SND1: variants seen among roughly 807,000 people sequenced by gnomAD.
The protein encoded by SND1 is staphylococcal nuclease and tudor domain containing 1.
Under a neutral mutation model 121.7 loss-of-function variants are expected in SND1, and 38 were observed. The ratio of observed to expected loss-of-function variants is 0.31; its 90% confidence interval spans 0.24 to 0.41. The LOEUF is 0.41. SND1 is among the 10% of genes least tolerant of loss of function. The probability of loss-of-function intolerance (pLI) is 1.00; values close to 1 mark genes in which losing one functional copy is unlikely to be tolerated. For missense variants in SND1, 868 were observed against 1,184.6 expected (o/e 0.73, Z 3.92); for synonymous variants, 401 against 447.4 (o/e 0.90, Z 1.31).
In SND1 at chr7:128,029,218, G is replaced by A; in HGVS notation, c.1779+38162G>A. The A allele has an allele frequency of 6.2e-7, 1 of 1,614,114 alleles. No homozygotes were observed. ...TAACCAGTGGACGTGGTAGGAACAG[G>A]CTTGTACTTTCGCGTTGTGTCCTCA... On this transcript the variant is annotated intron_variant, in intron 16 of 23. Coordinates refer to ENST00000354725, the MANE Select transcript of SND1 (RefSeq NM_014390.4). This position sits in a 1 kb window ranked among gnomAD's most constrained non-coding sequence, Gnocchi z 4.2.
chr7:127,718,505 C>A, intron 9 of SND1: 1 of 927,442 alleles, frequency 1.1e-6, no homozygotes, highest in Non-Finnish European at 1.3e-6. Flanking sequence ...CACGCATGCA[C>A]TCACCCTTCC....
rs117846851 is a variant in SND1 at position 128,032,978 on chromosome 7, C to G, written c.1780-41524C>G. On this transcript the variant is annotated intron_variant, in intron 16 of 23. Coordinates refer to ENST00000354725, the MANE Select transcript of SND1 (RefSeq NM_014390.4). Reference sequence around the variant, plus strand: ...TGAGGTGAACTCCCGGAGCCCACGACACAGCCCGTTCATTCATGGAGCTGC... The same window carrying G: ...TGAGGTGAACTCCCGGAGCCCACGAGACAGCCCGTTCATTCATGGAGCTGC... Among the ~76,000 whole-genome samples, 592 of 152,316 alleles carry G rather than the reference C, an allele frequency of 3.9e-3. 7 individuals carry two copies. Among genetic ancestry groups the G allele is most frequent in the East Asian group, 0.038 (196 of 5,162 alleles).
At chr7:127,775,554 T>C (rs1309408515) in intron 10 of SND1, among the ~76,000 whole-genome samples, 1 of 152,156 alleles carries the variant, frequency 6.6e-6, no homozygotes, top group Non-Finnish European at 1.5e-5. Flanking sequence ...TTTCCAAACA[T>C]TGTTGTACAA....
intron 16 of SND1, among the ~76,000 whole-genome samples, chr7:128,003,504 C>A (rs1218321232): frequency 6.6e-6 from 1 of 152,126 alleles, no homozygotes; most frequent in Non-Finnish European, 1.5e-5. Context: ...GGTGGAAGAT[C>A]ATGCAAATAA....
intron 17 of SND1, 47 bp from the exon 18 acceptor site, chr7:128,081,313 A>G: frequency 6.2e-7 from 1 of 1,610,184 alleles, no homozygotes; most frequent in South Asian, 1.1e-5. Flanking sequence ...GTCTTTTATG[A>G]CTTCACTTCC....
At chr7:127,720,322 T>G (rs938632737) in intron 9 of SND1, among the ~76,000 whole-genome samples, 3 of 151,982 alleles carry the variant, frequency 2.0e-5, no homozygotes, top group African/African-American at 7.3e-5. Flanking sequence ...CCTAGAAGAG[T>G]TCGATTTTGA....
intron 11 of SND1, among the ~76,000 whole-genome samples, chr7:127,842,543 A>G (rs1464301753): frequency 6.6e-6 from 1 of 151,902 alleles, no homozygotes; most frequent in Non-Finnish European, 1.5e-5. Context: ...TATCTCCCCT[A>G]CCTGCACACT....
chr7:127,707,825 G>T (rs1270328507), intron 9 of SND1, among the ~76,000 whole-genome samples, 178 bp downstream of exon 9: 1 of 148,582 alleles, frequency 6.7e-6, no homozygotes, highest in Admixed American at 6.8e-5. Flanking sequence ...ATTGTAGGGG[G>T]TTTAGAAACC....
rs527677044 is a variant in SND1, at chr7:127,843,220, A to G, written c.1243-1104A>G. Among the ~76,000 whole-genome samples the G allele has an allele frequency of 9.0e-4, 137 of 152,202 alleles. 4 individuals are homozygous for G. The South Asian group carries it at 0.028, about 31-fold the overall frequency. On this transcript the variant is annotated intron_variant, in intron 11 of 23. Coordinates refer to ENST00000354725, the MANE Select transcript of SND1 (RefSeq NM_014390.4). ...ACACCAGAGTGGTATATTTATTACA[A>G]TTGTTGAGCCTACCTTAACACATCA...
intron 11 of SND1, among the ~76,000 whole-genome samples, chr7:127,825,012 C>A (rs561508643): frequency 6.6e-6 from 1 of 152,174 alleles, no homozygotes; most frequent in African/African-American, 2.4e-5. Flanking sequence ...TACAAGCCAG[C>A]TGGAGAATTA....
In SND1 at chr7:128,030,786, T is replaced by A. The variant is rs568511382; in HGVS notation, c.1779+39730T>A. ...GGGGCGATTAGAGAGACGGAGCGGA[T>A]CGGCCGAAAAAAATCCTGCCAAACT... On this transcript the variant is annotated intron_variant, in intron 16 of 23. Transcript: ENST00000354725. 3.9e-5 allele frequency: 41 copies of A among 1,064,816 alleles called. No individual in the cohort carries two copies. The South Asian group carries it at 7.9e-4, about 21-fold the overall frequency. The allele number at this position is 1,064,816 out of a possible 1,614,324, so 66.0% of individuals were successfully genotyped here.
intron 10 of SND1, among the ~76,000 whole-genome samples, chr7:127,789,179 C>T (rs1018451026): frequency 2.0e-5 from 3 of 152,190 alleles, no homozygotes; most frequent in African/African-American, 7.2e-5. Flanking sequence ...TGTCTGCCTC[C>T]CCAACTCTAC....
At chr7:127,998,081 A>G (rs901535325) in intron 16 of SND1, 1 of 443,076 alleles carries the variant, frequency 2.3e-6, no homozygotes, top group Non-Finnish European at 4.7e-6. Context: ...TCCAGTGCCT[A>G]GTATATAAGA....
intron 16 of SND1, among the ~76,000 whole-genome samples, chr7:128,017,122 C>T (rs1364291126): frequency 6.6e-6 from 1 of 152,222 alleles, no homozygotes; most frequent in Non-Finnish European, 1.5e-5. Context: ...CTGCTCAGCA[C>T]AGTGTAGAGG....
intron 15 of SND1, among the ~76,000 whole-genome samples, chr7:127,967,162 G>A (rs1801871745): frequency 6.6e-6 from 1 of 152,122 alleles, no homozygotes; most frequent in African/African-American, 2.4e-5. Flanking sequence ...TAGATCTGTT[G>A]GTTGGTTGGT....
intron 21 of SND1, among the ~76,000 whole-genome samples, chr7:128,088,693 C>T (rs1793726699): frequency 6.6e-6 from 1 of 151,618 alleles, no homozygotes. Context: ...CCTCAGGTCA[C>T]CCACCCACCT....
chr7:127,857,986 T>G (rs1406951422), intron 12 of SND1: 53 of 1,448,220 alleles, frequency 3.7e-5, no homozygotes, highest in Non-Finnish European at 4.8e-5. Flanking sequence ...GAAGGGCCCA[T>G]GCAGCTCGGC....
At chr7:128,061,971 A>G (rs1377992834) in intron 16 of SND1, among the ~76,000 whole-genome samples, 1 of 152,210 alleles carries the variant, frequency 6.6e-6, no homozygotes, top group Non-Finnish European at 1.5e-5. Context: ...CGTCATCTCA[A>G]AGGCCTCTTC....
At chr7:127,820,492 G>A (rs1054341270) in intron 11 of SND1, among the ~76,000 whole-genome samples, 3 of 152,154 alleles carry the variant, frequency 2.0e-5, no homozygotes, top group South Asian at 2.1e-4. Context: ...CTGTTCTTCG[G>A]TATTTCTGCT....
Sources: gnomAD v4.1 joint callset for allele counts (sites outside exome capture counted in the v4.1 genomes callset) on GRCh38, gnomAD v4.1.1 for gene constraint, Gnocchi (gnomAD v3.1) non-coding constraint, MANE v1.5 for transcripts, NCBI Gene and HGNC (gene_info 2026-07-23, HGNC 2026-07-21) for gene names.